The following HOOK2 variants were observed in gnomAD, a reference collection of about 807,000 sequenced individuals.
HOOK2 encodes protein Hook homolog 2.
HOOK2 carries 108 observed loss-of-function variants against 111.9 expected under a neutral mutation model. That is an observed-to-expected ratio of 0.96 (90% CI 0.83 to 1.13). The LOEUF is 1.13. Ranked by LOEUF, HOOK2 falls within the 50% of genes most tolerant of loss-of-function variation. The pLI, the probability that HOOK2 is intolerant of heterozygous loss-of-function variation, is 0.00. For synonymous variants in HOOK2, 405 were observed against 394.3 expected, an observed-to-expected ratio of 1.03 and a Z score of -0.32; for missense variants, 978 against 951.3, an observed-to-expected ratio of 1.03 and a Z score of -0.37.
chr19:12,791,768 C>T lies in HOOK2; in HGVS notation n.42-17543G>A. On this transcript the variant is annotated intron_variant and non_coding_transcript_variant, in intron 3 of 3. Transcript: ENST00000589765. The surrounding 1 kb of genome is among the most constrained non-coding windows in gnomAD (Gnocchi z 7.0). ...ACCCTCCCCAGACCGCCTGGGCCGC[C>T]CGGATGTGCACTAAAATGGAACAGC... 1 of 1,598,102 alleles carries T rather than the reference C, an allele frequency of 6.3e-7. No homozygotes were observed. The highest frequency in any genetic ancestry group is 8.6e-7 in the Non-Finnish European group (1 of 1,169,490).
chr19:12,782,068 C>G (rs1276858867), upstream of HOOK2, among the ~76,000 whole-genome samples: 1 of 152,164 alleles, frequency 6.6e-6, no homozygotes, highest in Non-Finnish European at 1.5e-5. Context: ...GTTGCCCAGG[C>G]TGGTCTTGAA....
At chr19:12,769,675 A>T (rs75717095) in intron 11 of HOOK2, among the ~76,000 whole-genome samples, 2 of 152,154 alleles carry the variant, frequency 1.3e-5, no homozygotes, top group Admixed American at 1.3e-4. Context: ...GGCATCAAAG[A>T]ATTTAGAGGA....
In HOOK2 at chr19:12,775,422, C is replaced by A. The variant is rs2305376; in HGVS notation, c.28G>T (p.Gly10Trp). ...CGACCTACCCAGGTGAGCAGAGACC[C>A]GCATAGCTCAGCTTTGTCCACGCTC... is the stretch of plus-strand genomic sequence containing the variant. MSVDKAELC[G>W]SLLTWLQTFH... Residue 10 changes from glycine (G) to tryptophan (W), a missense_variant, in exon 1 of 23, where the codon GGG becomes TGG. This residue lies in a region of HOOK2 where 301 missense variants were observed against 286.1 expected (regional missense o/e 1.05). Coordinates refer to ENST00000397668, the MANE Select transcript of HOOK2 (RefSeq NM_013312.3). The A allele has an allele frequency of 1.2e-6, 2 of 1,612,720 alleles. No individual in the cohort carries two copies. Among genetic ancestry groups the A allele is most frequent in the Non-Finnish European group, 1.7e-6 (2 of 1,179,646 alleles).
At chr19:12,771,767 G>C (rs1358291856) in intron 7 of HOOK2, 1 of 432,982 alleles carries the variant, frequency 2.3e-6, no homozygotes, top group African/African-American at 2.0e-5. Context: ...CTGTAGTCCT[G>C]GCTACTCGGG....
At chr19:12,783,127 AC>A (rs1188187858), upstream of HOOK2, among the ~76,000 whole-genome samples, 4 of 148,184 alleles carry the variant, frequency 2.7e-5, no homozygotes, top group Admixed American at 1.3e-4. Context: ...CCCGTGACTC[AC>A]CCCTCCCGGC....
At chr19:12,772,362 G>T in intron 6 of HOOK2, 110 bp from the exon 7 acceptor site, 2 of 1,265,868 alleles carry the variant, frequency 1.6e-6, no homozygotes, top group African/African-American at 1.5e-5. Context: ...GGCCAGTTCT[G>T]CCCAATAACC....
At chr19:12,773,245 T>TG in intron 3 of HOOK2, 1 of 574,916 alleles carries the variant, frequency 1.7e-6, no homozygotes, top group South Asian at 2.1e-5. Flanking sequence ...TTTTTTTTTT[T>TG]TTTTTTTTTG....
intron 13 of HOOK2, 69 bp downstream of exon 13, chr19:12,767,747 G>T: frequency 1.4e-6 from 2 of 1,426,754 alleles, no homozygotes; most frequent in South Asian, 1.2e-5. Context: ...ACATGCACTG[G>T]GACACAACCT....
chr19:12,763,151 TG>T lies in HOOK2; in HGVS notation c.*130del. On this transcript the variant is annotated 3_prime_UTR_variant, in exon 23 of 23. Coordinates refer to ENST00000397668, the MANE Select transcript of HOOK2 (RefSeq NM_013312.3). ...CTCCCGCCCTCCCTCCCCACCAATC[TG>T]GGAGAGGGAAGAGCAGAGATCATGG... The T allele has an allele frequency of 2.1e-6, 1 of 482,692 alleles. No homozygotes were observed. Among genetic ancestry groups the T allele is most frequent in the South Asian group, 1.9e-5 (1 of 53,056 alleles). The allele number at this position is 482,692 out of a possible 1,614,324, so 29.9% of individuals were successfully genotyped here. A position where few individuals can be genotyped will look rare whatever the true frequency, so the allele number is the denominator to read the frequency against.
chr19:12,773,231 C>CTTTTTTTTTT (rs373156108), intron 3 of HOOK2, 187 bp from the exon 4 acceptor site: 102 of 254,872 alleles, frequency 4.0e-4, no homozygotes, highest in Middle Eastern at 1.4e-3. Flanking sequence ...ATCTTTGTTT[C>CTTTTTTTTTT]TTTTTTTTTT....
At chr19:12,792,260 G>A in intron 3 of HOOK2, 1 of 1,497,264 alleles carries the variant, frequency 6.7e-7, no homozygotes, top group Non-Finnish European at 8.9e-7. Context: ...GCGCTACCGG[G>A]GGGCCCCCGG....
chr19:12,766,215 C>T lies in HOOK2; in HGVS notation c.1399G>A (p.Glu467Lys), dbSNP rs761167223. The change falls in exon 15 of 23, where the codon GAG (glutamate) becomes AAG (lysine). Residue 467 changes from glutamate (E) to lysine (K), a missense_variant. Glu to Lys is a moderately conservative substitution (Grantham distance 56). Coordinates refer to ENST00000397668, the MANE Select transcript of HOOK2 (RefSeq NM_013312.3). ...LRETLLRLQL[E>K]NKRLCRQEAA... ...TCCTGCCTGCACAGCCGCTTGTTCT[C>T]CAGCTGAAGCCGCAGGAGCGTCTCC... 6.3e-7 allele frequency: 1 copy of T among 1,590,986 alleles called. No individual in the cohort carries two copies. The highest frequency in any genetic ancestry group is 8.5e-7 in the Non-Finnish European group (1 of 1,175,506).
Position 12,786,109 on chromosome 19 carries a change from C to G in HOOK2, n.42-11884G>C, listed in dbSNP as rs1968653586. ...TTCCAAGAAAACCTAGCAGCTTCCT[C>G]TCCAGGAGAGGGGGCAAAGGACCCC... On this transcript the variant is annotated intron_variant and non_coding_transcript_variant, in intron 3 of 3. Transcript: ENST00000589765. This position sits in a 1 kb window ranked among gnomAD's most constrained non-coding sequence, Gnocchi z 4.3. 6.6e-6 allele frequency among the ~76,000 whole-genome samples: 1 copy of G among 152,212 alleles called. No individual in the cohort carries two copies. The highest frequency in any genetic ancestry group is 2.4e-5 in the African/African-American group (1 of 41,446).
At position 12,791,635 on chromosome 19, in the gene HOOK2, T is replaced by TACCC; in HGVS notation, n.42-17414_42-17411dup. 1 of 598,238 alleles carries TACCC rather than the reference T, an allele frequency of 1.7e-6. No individual in the cohort carries two copies. Among genetic ancestry groups the TACCC allele is most frequent in the Non-Finnish European group, 2.7e-6 (1 of 363,792 alleles). The allele number at this position is 598,238 out of a possible 1,614,324, so 37.1% of individuals were successfully genotyped here. On this transcript the variant is annotated intron_variant and non_coding_transcript_variant, in intron 3 of 3. Transcript: ENST00000589765. This position sits in a 1 kb window ranked among gnomAD's most constrained non-coding sequence, Gnocchi z 7.0. ...TTGCGCACAGCTGCCGGCTGGCTGC[T>TACCC]ACCCGCCCGCGCCAGCCCCCGAGAA...
At chr19:12,789,079 CG>C (rs1479595805) in intron 3 of HOOK2, among the ~76,000 whole-genome samples, 1 of 152,088 alleles carries the variant, frequency 6.6e-6, no homozygotes, top group Non-Finnish European at 1.5e-5. Flanking sequence ...TAGGCTGCCC[CG>C]GAATGGCTGT....
At chr19:12,780,443 G>A (rs1250388835), upstream of HOOK2, among the ~76,000 whole-genome samples, 2 of 151,252 alleles carry the variant, frequency 1.3e-5, no homozygotes, top group African/African-American at 2.4e-5. Flanking sequence ...TGCAAGCTCC[G>A]CCTCCCGGGT....
At chr19:12,788,114 G>A (rs1330085601) in intron 3 of HOOK2, among the ~76,000 whole-genome samples, 2 of 151,946 alleles carry the variant, frequency 1.3e-5, no homozygotes, top group Non-Finnish European at 2.9e-5. Context: ...TTCATGAGAC[G>A]GCCTGCAGCT....
At position 12,767,796 on chromosome 19, in the gene HOOK2, G is replaced by A. The variant is rs1170449056; in HGVS notation, c.1303+20C>T. On this transcript the variant is annotated intron_variant, in intron 13 of 22. Coordinates refer to ENST00000397668, the MANE Select transcript of HOOK2 (RefSeq NM_013312.3). Reference sequence around the variant, plus strand: ...AGTACACCAGGACAGGTAAGACCCCGGGATGGGGCTTCATCTCACCGGCCT... The same window carrying A: ...AGTACACCAGGACAGGTAAGACCCCAGGATGGGGCTTCATCTCACCGGCCT... 7 of 1,597,072 alleles carry A rather than the reference G, an allele frequency of 4.4e-6. No individual in the cohort carries two copies. Among genetic ancestry groups the A allele is most frequent in the South Asian group, 3.3e-5 (3 of 90,738 alleles).
chr19:12,771,288 A>G lies in HOOK2; in HGVS notation c.632T>C (p.Leu211Pro). 1.2e-6 allele frequency: 2 copies of G among 1,603,970 alleles called. No individual in the cohort carries two copies. Among genetic ancestry groups the G allele is most frequent in the Non-Finnish European group, 1.7e-6 (2 of 1,174,900 alleles). ...CCGCAGCCCTGCATTCTCTTGCGCC[A>G]GGCTCTGCTTCTCCTCTGACAGGAG... is the stretch of plus-strand genomic sequence containing the variant. Reference protein sequence around the residue: ...LMLLSEEKQSLAQENAGLRER... With the variant: ...LMLLSEEKQSPAQENAGLRER... The change falls in exon 9 of 23, where the codon CTG (leucine) becomes CCG (proline). Residue 211 changes from leucine to proline, a missense_variant. Transcript: ENST00000397668.
Sources: gnomAD v4.1 joint callset for allele counts (sites outside exome capture counted in the v4.1 genomes callset) on GRCh38, gnomAD v4.1.1 for gene constraint, gnomAD v4.1.1 regional missense constraint, Gnocchi (gnomAD v3.1) non-coding constraint, MANE v1.5 for transcripts, NCBI Gene and HGNC (gene_info 2026-07-23, HGNC 2026-07-21) for gene names.